The following GRIK4 variants were observed in gnomAD, a reference collection of about 807,000 sequenced individuals.
The protein encoded by GRIK4 is glutamate receptor ionotropic, kainate 4.
A neutral mutation model predicts 104.9 loss-of-function variants in GRIK4; 40 were observed. That is an observed-to-expected ratio of 0.38 (90% confidence interval 0.30 to 0.50). GRIK4 has a LOEUF of 0.50. Ranked by LOEUF, GRIK4 falls within the 20% of genes least tolerant of loss-of-function variation. GRIK4 has a pLI of 0.93. For synonymous variants in GRIK4, 485 were observed against 524.9 expected (o/e 0.92, Z 1.04); for missense variants, 1,047 against 1,308.1 (o/e 0.80, Z 3.08).
chr11:120,942,203 T>G (rs1170933358), intron 14 of GRIK4, among the ~76,000 whole-genome samples: 1 of 152,210 alleles, frequency 6.6e-6, no homozygotes, highest in Non-Finnish European at 1.5e-5. Context: ...TCCCAATTTA[T>G]AGACATGGAA....
intron 8 of GRIK4, among the ~76,000 whole-genome samples, chr11:120,837,763 C>T (rs1953612344): frequency 1.3e-5 from 2 of 151,764 alleles, no homozygotes. Context: ...AGACTACTCC[C>T]AGAGCAAAGC....
intron 6 of GRIK4, among the ~76,000 whole-genome samples, chr11:120,826,967 G>A (rs773320538): frequency 1.3e-5 from 2 of 152,156 alleles, no homozygotes; most frequent in Non-Finnish European, 2.9e-5. Context: ...GCAGGGGGAA[G>A]GGGAAGGTTT....
chr11:120,736,311 A>C (rs1374992998), intron 3 of GRIK4, among the ~76,000 whole-genome samples: 2 of 152,108 alleles, frequency 1.3e-5, no homozygotes, highest in Non-Finnish European at 2.9e-5. Context: ...CTAAGATGCA[A>C]GACAAAGTTG....
intron 12 of GRIK4, among the ~76,000 whole-genome samples, chr11:120,900,140 G>A (rs1236759890): frequency 6.6e-6 from 1 of 152,220 alleles, no homozygotes; most frequent in African/African-American, 2.4e-5. Context: ...GAAAGAAGGG[G>A]CATTGACGAT....
intron 3 of GRIK4, among the ~76,000 whole-genome samples, chr11:120,795,650 TG>T (rs1415245739): frequency 6.6e-6 from 1 of 152,118 alleles, no homozygotes; most frequent in Non-Finnish European, 1.5e-5. Context: ...AATGAAAAAG[TG>T]GCTTGTGTCT....
At chr11:120,950,122 C>A (rs1160627067) in intron 14 of GRIK4, among the ~76,000 whole-genome samples, 1 of 152,214 alleles carries the variant, frequency 6.6e-6, no homozygotes, top group Non-Finnish European at 1.5e-5. Context: ...TCTTTGGCAT[C>A]ATAGAGACAG....
rs555116884 is a variant in GRIK4, at chr11:120,695,647, G to T, written c.82+35247G>T. 1.3e-5 allele frequency among the ~76,000 whole-genome samples: 2 copies of T among 152,338 alleles called. 1 individual carries two copies. The highest frequency in any genetic ancestry group is 4.1e-4 in the South Asian group (2 of 4,828). ...ACGGCCGCCACGGGTGGGAGGCAGG[G>T]CTGTCTTTGCCTTGTTAGTGAGGCT... On this transcript the variant is annotated intron_variant, in intron 3 of 20. Transcript: ENST00000527524.
intron 1 of GRIK4, among the ~76,000 whole-genome samples, chr11:120,572,713 C>G (rs896069959): frequency 6.6e-6 from 1 of 152,184 alleles, no homozygotes; most frequent in Non-Finnish European, 1.5e-5. Context: ...ATTCCCAAGC[C>G]CTGCTTTAGC....
chr11:120,940,510 C>A lies in GRIK4; in HGVS notation c.1590+50C>A. 3 of 1,007,190 alleles carry A rather than the reference C, an allele frequency of 3.0e-6. No homozygotes were observed. The highest frequency in any genetic ancestry group is 4.7e-6 in the Non-Finnish European group (3 of 637,392). The allele number at this position is 1,007,190 out of a possible 1,614,324, so 62.4% of individuals were successfully genotyped here. A position where few individuals can be genotyped will look rare whatever the true frequency, so the allele number is the denominator to read the frequency against. Reference sequence around the variant, plus strand: ...TTATGTCATTAAAGTTATTTGCATGCAAACACTGAGTTATACGGGAATAAT... The same window carrying A: ...TTATGTCATTAAAGTTATTTGCATGAAAACACTGAGTTATACGGGAATAAT... On this transcript the variant is annotated intron_variant, in intron 14 of 20. Transcript: ENST00000527524. This position sits in a 1 kb window ranked among gnomAD's most constrained non-coding sequence, Gnocchi z 4.3.
At chr11:120,530,346 C>A (rs1947910547) in intron 1 of GRIK4, among the ~76,000 whole-genome samples, 1 of 152,118 alleles carries the variant, frequency 6.6e-6, no homozygotes, top group African/African-American at 2.4e-5. Context: ...TGACAGGAGC[C>A]CAAGCTATTG....
At chr11:120,829,360 C>A (rs1449504089) in intron 6 of GRIK4, among the ~76,000 whole-genome samples, 6 of 151,866 alleles carry the variant, frequency 4.0e-5, no homozygotes, top group African/African-American at 9.7e-5. Context: ...ACATATAGGA[C>A]AAAATGAGGC....
At chr11:120,725,444 T>C (rs934181078) in intron 3 of GRIK4, among the ~76,000 whole-genome samples, 1 of 152,234 alleles carries the variant, frequency 6.6e-6, no homozygotes, top group African/African-American at 2.4e-5. Context: ...AATTGGGTGC[T>C]GTAGCCAAGG....
intron 8 of GRIK4, chr11:120,858,260 G>A (rs1271121616): frequency 6.6e-6 from 1 of 152,198 alleles, no homozygotes; most frequent in Non-Finnish European, 1.5e-5. Flanking sequence ...CTCAAGATGG[G>A]TGGGCAGCGG....
chr11:120,879,881 T>C (rs948131609), intron 11 of GRIK4, among the ~76,000 whole-genome samples: 1 of 152,210 alleles, frequency 6.6e-6, no homozygotes, highest in Non-Finnish European at 1.5e-5. Context: ...GGAGAAATCT[T>C]TGGAAGAGGC....
At chr11:120,861,550 G>T (rs1954263428) in intron 8 of GRIK4, among the ~76,000 whole-genome samples, 1 of 152,076 alleles carries the variant, frequency 6.6e-6, no homozygotes, top group East Asian at 1.9e-4. Context: ...CTATACATGG[G>T]GATTTCTGGC....
intron 13 of GRIK4, among the ~76,000 whole-genome samples, chr11:120,908,913 G>C (rs144350577): frequency 0.012 from 1,774 of 152,378 alleles, 29 homozygotes; most frequent in African/African-American, 0.04. Context: ...AATGTGGGCT[G>C]ATCTAGCAAG....
At chr11:120,578,662 AT>A (rs1212395905) in intron 1 of GRIK4, among the ~76,000 whole-genome samples, 1 of 152,260 alleles carries the variant, frequency 6.6e-6, no homozygotes, top group East Asian at 1.9e-4. Context: ...TGGATTCCGA[AT>A]CCCAACAGCC....
chr11:120,720,238 C>T (rs1444888076), intron 3 of GRIK4, among the ~76,000 whole-genome samples: 1 of 152,134 alleles, frequency 6.6e-6, no homozygotes, highest in African/African-American at 2.4e-5. Flanking sequence ...TTCTGCTGGT[C>T]ACAGTCACAG....
At chr11:120,631,908 A>G (rs1025161442) in intron 1 of GRIK4, among the ~76,000 whole-genome samples, 2 of 151,492 alleles carry the variant, frequency 1.3e-5, no homozygotes, top group Admixed American at 1.3e-4. Flanking sequence ...GGGGATGAGA[A>G]CACCAACTTG....
Sources: allele counts gnomAD v4.1 joint callset (sites outside exome capture counted in the v4.1 genomes callset), GRCh38; gene constraint gnomAD v4.1.1; non-coding constraint Gnocchi (gnomAD v3.1); transcripts MANE v1.5; gene names NCBI Gene and HGNC (gene_info 2026-07-23, HGNC 2026-07-21).